The following GRAMD1B variants were observed in gnomAD, a reference collection of about 807,000 sequenced individuals.
GRAMD1B encodes protein Aster-B.
GRAMD1B carries 37 observed loss-of-function variants against 99.7 expected under a neutral mutation model. That is an observed-to-expected ratio of 0.37 (90% CI 0.29 to 0.49). The LOEUF (loss-of-function observed/expected upper bound fraction) is 0.49, where lower values mean the gene tolerates loss of function less well. GRAMD1B is among the 20% of genes least tolerant of loss of function. GRAMD1B has a pLI of 0.98. For synonymous variants in GRAMD1B, 427 were observed against 387.6 expected (o/e 1.10, Z -1.19); for missense variants, 888 against 1,009.2 (o/e 0.88, Z 1.63).
chr11:123,564,981 T>G (rs991794042), intron 2 of GRAMD1B, among the ~76,000 whole-genome samples: 2 of 152,198 alleles, frequency 1.3e-5, no homozygotes, highest in African/African-American at 2.4e-5. Context: ...TACTTAAGAG[T>G]TGACTGAGAT....
intron 2 of GRAMD1B, among the ~76,000 whole-genome samples, chr11:123,482,862 C>T (rs1951687621): frequency 6.6e-6 from 1 of 152,056 alleles, no homozygotes; most frequent in South Asian, 2.1e-4. Flanking sequence ...AGTTCGAGAC[C>T]AGCCTGGCCA....
At chr11:123,561,519 C>T (rs1349584937) in intron 2 of GRAMD1B, among the ~76,000 whole-genome samples, 2 of 152,256 alleles carry the variant, frequency 1.3e-5, no homozygotes, top group Admixed American at 6.5e-5. Context: ...TACCCAGTGG[C>T]TGGGCCTTAC....
rs1940859580 is a variant in GRAMD1B, at chr11:123,510,270, T to A, written c.452+29377T>A. Among the ~76,000 whole-genome samples, 1 of 152,062 alleles carries A rather than the reference T, an allele frequency of 6.6e-6. No individual in the cohort carries two copies. The highest frequency in any genetic ancestry group is 6.5e-5 in the Admixed American group (1 of 15,276). Reference sequence around the variant, plus strand: ...ACCTGCCAGCTGGCCTCTTCCCACATGCCCCCCTCATCCTGACCTGTGGGT... The same window carrying A: ...ACCTGCCAGCTGGCCTCTTCCCACAAGCCCCCCTCATCCTGACCTGTGGGT... On this transcript the variant is annotated intron_variant, in intron 2 of 19. Coordinates refer to ENST00000635736, the MANE Select transcript of GRAMD1B (RefSeq NM_001387025.1). This position sits in a 1 kb window ranked among gnomAD's most constrained non-coding sequence, Gnocchi z 4.3.
intron 7 of GRAMD1B, chr11:123,598,949 G>T: frequency 9.4e-7 from 1 of 1,062,800 alleles, no homozygotes; most frequent in South Asian, 1.3e-5. Flanking sequence ...CAAATAATTG[G>T]TCTAAGATGG....
At chr11:123,509,431 A>G (rs1019471701) in intron 2 of GRAMD1B, among the ~76,000 whole-genome samples, 1 of 152,216 alleles carries the variant, frequency 6.6e-6, no homozygotes, top group East Asian at 1.9e-4. Context: ...GTGTTTTTCC[A>G]TAGATTATTC....
At chr11:123,467,821 C>CTTTTCTTTT (rs1555127579) in intron 1 of GRAMD1B, among the ~76,000 whole-genome samples, 3 of 134,086 alleles carry the variant, frequency 2.2e-5, no homozygotes, top group Non-Finnish European at 4.7e-5. Flanking sequence ...CTTTTCTTTT[C>CTTTTCTTTT]CCTCCCTCCC....
intron 2 of GRAMD1B, among the ~76,000 whole-genome samples, chr11:123,527,565 C>A (rs892971136): frequency 5.3e-5 from 8 of 152,042 alleles, no homozygotes; most frequent in African/African-American, 1.9e-4. Flanking sequence ...GGTCTGGTAC[C>A]CCATTCTTTC....
intron 2 of GRAMD1B, among the ~76,000 whole-genome samples, chr11:123,561,635 C>T (rs897906673): frequency 1.3e-5 from 2 of 152,242 alleles, no homozygotes; most frequent in African/African-American, 4.8e-5. Context: ...GCCAAGAGCT[C>T]AGGCAGGGCT....
In GRAMD1B at chr11:123,625,000, A is replaced by G. The variant is rs1478514079; in HGVS notation, c.*2405A>G. ...ACTAGACAATGTGTGCACATAGGGA[A>G]TGTCCTTTAAGAATCATGGATCTCT... On this transcript the variant is annotated 3_prime_UTR_variant, in exon 20 of 20. Coordinates refer to ENST00000635736, the MANE Select transcript of GRAMD1B (RefSeq NM_001387025.1). 1 of 152,126 alleles carries G rather than the reference A, an allele frequency of 6.6e-6. No homozygotes were observed. Among genetic ancestry groups the G allele is most frequent in the Non-Finnish European group, 1.5e-5 (1 of 68,010 alleles). The allele number at this position is 152,126 out of a possible 1,614,324, so 9.4% of individuals were successfully genotyped here.
intron 2 of GRAMD1B, among the ~76,000 whole-genome samples, chr11:123,528,839 G>A (rs1943066060): frequency 6.6e-6 from 1 of 152,188 alleles, no homozygotes; most frequent in South Asian, 2.1e-4. Context: ...GGAAATGGAG[G>A]CACAGAGTGG....
chr11:123,607,021 CA>C (rs1355490341), intron 11 of GRAMD1B, among the ~76,000 whole-genome samples: 2 of 152,178 alleles, frequency 1.3e-5, no homozygotes, highest in East Asian at 3.8e-4. Context: ...TTAGTCTTGT[CA>C]CTAAATGTTC....
At chr11:123,621,572 C>A (rs546915631) in intron 19 of GRAMD1B, among the ~76,000 whole-genome samples, 1 of 152,304 alleles carries the variant, frequency 6.6e-6, no homozygotes, top group South Asian at 2.1e-4. Flanking sequence ...AGAGGGATGA[C>A]TGGGAGCTGG....
intron 2 of GRAMD1B, among the ~76,000 whole-genome samples, chr11:123,520,075 G>A (rs958868607): frequency 6.6e-6 from 1 of 152,190 alleles, no homozygotes; most frequent in Non-Finnish European, 1.5e-5. Flanking sequence ...TCATGTTTTT[G>A]TTGGATTAGG....
intron 1 of GRAMD1B, among the ~76,000 whole-genome samples, chr11:123,479,120 G>T (rs1446923519): frequency 6.6e-6 from 1 of 152,210 alleles, no homozygotes; most frequent in Non-Finnish European, 1.5e-5. Context: ...CGTGCTGCAT[G>T]GAAGGGAAGG....
intron 1 of GRAMD1B, among the ~76,000 whole-genome samples, chr11:123,466,839 C>A (rs997722000): frequency 2.6e-5 from 4 of 152,164 alleles, no homozygotes; most frequent in Non-Finnish European, 5.9e-5. Flanking sequence ...TGTATTTATT[C>A]TCTTGAGAGA....
chr11:123,387,235 T>C (rs1305431367), intron 1 of GRAMD1B, among the ~76,000 whole-genome samples: 8 of 152,156 alleles, frequency 5.3e-5, no homozygotes, highest in Admixed American at 4.6e-4. Flanking sequence ...TCATGACTAA[T>C]GGCTCTGGAT....
At chr11:123,549,426 CAGCTA>C (rs1945395484) in intron 2 of GRAMD1B, among the ~76,000 whole-genome samples, 1 of 152,020 alleles carries the variant, frequency 6.6e-6, no homozygotes, top group South Asian at 2.1e-4. Context: ...CCTGTAGTCC[CAGCTA>C]CTCGGGAAGC....
intron 17 of GRAMD1B, chr11:123,618,371 A>T: frequency 6.2e-7 from 1 of 1,610,330 alleles, no homozygotes; most frequent in Admixed American, 1.7e-5. Flanking sequence ...TGGCTCTATG[A>T]TTTCTCCTTT....
chr11:123,502,984 C>CT (rs1263697369), intron 2 of GRAMD1B, among the ~76,000 whole-genome samples: 1 of 152,104 alleles, frequency 6.6e-6, no homozygotes, highest in Non-Finnish European at 1.5e-5. Context: ...GGAGCTGTGA[C>CT]TTTCTGCCAC....
Sources: allele counts gnomAD v4.1 joint callset (sites outside exome capture counted in the v4.1 genomes callset), GRCh38; gene constraint gnomAD v4.1.1; non-coding constraint Gnocchi (gnomAD v3.1); transcripts MANE v1.5; gene names NCBI Gene and HGNC (gene_info 2026-07-23, HGNC 2026-07-21).